PSD3: variants seen among roughly 807,000 people sequenced by gnomAD.
PSD3 encodes the protein PH and SEC7 domain-containing protein 3.
Under a neutral mutation model 105.5 loss-of-function variants are expected in PSD3, and 49 were observed. The ratio of observed to expected loss-of-function variants is 0.46; its 90% CI spans 0.37 to 0.59. The LOEUF (loss-of-function observed/expected upper bound fraction) is 0.59. Ranked by LOEUF, PSD3 falls within the 20% of genes least tolerant of loss-of-function variation. PSD3 has a pLI of 0.00. For synonymous variants in PSD3, 557 were observed against 457.8 expected (o/e 1.22, Z -2.77); for missense variants, 1,561 against 1,263.8 (o/e 1.24, Z -3.57).
At chr8:18,855,585 A>G (rs546021402) in intron 4 of PSD3, among the ~76,000 whole-genome samples, 1 of 152,346 alleles carries the variant, frequency 6.6e-6, no homozygotes, top group South Asian at 2.1e-4. Context: ...TGTCCTCAAA[A>G]AGCAGCCACC....
chr8:18,599,052 C>T (rs549743375), intron 12 of PSD3, among the ~76,000 whole-genome samples: 4 of 151,812 alleles, frequency 2.6e-5, no homozygotes, highest in South Asian at 4.2e-4. Context: ...AAAAAAATTC[C>T]AAAATTTATA....
At chr8:18,749,242 T>C (rs920955438) in intron 9 of PSD3, among the ~76,000 whole-genome samples, 2 of 152,138 alleles carry the variant, frequency 1.3e-5, no homozygotes, top group Non-Finnish European at 2.9e-5. Flanking sequence ...GTTATCATCC[T>C]TCCTGTCTCC....
intron 1 of PSD3, among the ~76,000 whole-genome samples, chr8:19,057,011 C>T (rs1002532519): frequency 4.6e-5 from 7 of 151,998 alleles, no homozygotes; most frequent in South Asian, 2.1e-4. Context: ...ACCTATACGC[C>T]GGTTTGCCTC....
chr8:18,628,696 A>G (rs1430518332), intron 11 of PSD3, among the ~76,000 whole-genome samples: 2 of 151,962 alleles, frequency 1.3e-5, no homozygotes, highest in East Asian at 3.9e-4. Context: ...AGATAAGGGG[A>G]ATTAACTTGC....
At chr8:18,592,472 TC>T (rs756360517) in intron 12 of PSD3, among the ~76,000 whole-genome samples, 1 of 152,084 alleles carries the variant, frequency 6.6e-6, no homozygotes, top group African/African-American at 2.4e-5. Context: ...ACTTCTGAAA[TC>T]TGAGGAAGGA....
chr8:19,028,495 A>G (rs1270695127), intron 1 of PSD3, among the ~76,000 whole-genome samples: 1 of 151,996 alleles, frequency 6.6e-6, no homozygotes, highest in Non-Finnish European at 1.5e-5. Flanking sequence ...CGCTGGGATT[A>G]TGGATGTGAG....
chr8:18,940,949 T>C (rs887900374), intron 1 of PSD3, among the ~76,000 whole-genome samples: 15 of 152,208 alleles, frequency 9.9e-5, no homozygotes, highest in African/African-American at 3.6e-4. Flanking sequence ...TGGGGGGTTA[T>C]TCTTACCAAA....
chr8:18,931,423 CTTAG>C (rs1403277426), intron 2 of PSD3, among the ~76,000 whole-genome samples: 4 of 152,080 alleles, frequency 2.6e-5, no homozygotes, highest in Non-Finnish European at 4.4e-5. Flanking sequence ...CAGCAAGCAC[CTTAG>C]TTATTCATAC....
At chr8:18,963,954 G>A (rs1824085415) in intron 1 of PSD3, among the ~76,000 whole-genome samples, 1 of 152,154 alleles carries the variant, frequency 6.6e-6, no homozygotes, top group Admixed American at 6.5e-5. Flanking sequence ...TTTAGCCCCA[G>A]TAGGCAGGCT....
chr8:18,928,867 A>G (rs1821556687), intron 2 of PSD3, among the ~76,000 whole-genome samples: 1 of 150,566 alleles, frequency 6.6e-6, no homozygotes, highest in Non-Finnish European at 1.5e-5. Context: ...CTCTTGCTCA[A>G]GACAAGGTCT....
At chr8:18,977,853 T>G (rs56271806) in intron 1 of PSD3, among the ~76,000 whole-genome samples, 6 of 152,184 alleles carry the variant, frequency 3.9e-5, no homozygotes, top group Non-Finnish European at 7.3e-5. Context: ...ACATTACTTA[T>G]GCAATAAGAT....
intron 1 of PSD3, among the ~76,000 whole-genome samples, chr8:18,976,251 C>G (rs371712144): frequency 6.6e-6 from 1 of 152,052 alleles, no homozygotes; most frequent in Non-Finnish European, 1.5e-5. Context: ...AATAAAACCA[C>G]GAAGACAGTT....
chr8:18,824,916 TCCATAAGTCCCC>T (rs1813051548), intron 4 of PSD3, among the ~76,000 whole-genome samples: 1 of 152,148 alleles, frequency 6.6e-6, no homozygotes, highest in African/African-American at 2.4e-5. Context: ...TTGCCCTCTT[TCCATAAGTCCCC>T]CCAAAACAGT....
intron 4 of PSD3, among the ~76,000 whole-genome samples, chr8:18,811,861 A>C (rs1343579924): frequency 1.3e-5 from 2 of 152,206 alleles, no homozygotes; most frequent in African/African-American, 4.8e-5. Flanking sequence ...GTTTTTTATG[A>C]CACTCCAAGG....
At chr8:18,811,241 C>A (rs10087962) in intron 4 of PSD3, among the ~76,000 whole-genome samples, 58,529 of 151,970 alleles carry the variant, frequency 0.39, 13,912 homozygotes, top group African/African-American at 0.68. Context: ...AAAACTGAGG[C>A]AAGGAGCTGG....
At chr8:19,050,312 G>T (rs202068897) in intron 1 of PSD3, among the ~76,000 whole-genome samples, 2 of 140,390 alleles carry the variant, frequency 1.4e-5, no homozygotes, top group Admixed American at 1.5e-4. Flanking sequence ...CCATATCCCC[G>T]CCTGTCAAGG....
At chr8:18,931,911 C>G (rs1218251374) in intron 2 of PSD3, among the ~76,000 whole-genome samples, 1 of 150,364 alleles carries the variant, frequency 6.7e-6, no homozygotes, top group Non-Finnish European at 1.5e-5. Context: ...CAGATGATGT[C>G]ACATTTCACA....
intron 1 of PSD3, among the ~76,000 whole-genome samples, chr8:19,027,150 T>C (rs1017581197): frequency 2.0e-5 from 3 of 152,180 alleles, no homozygotes; most frequent in Admixed American, 6.5e-5. Context: ...GAAGGAAATC[T>C]ATCAGCTCTC....
At chr8:18,816,374 A>G (rs1812224881) in intron 4 of PSD3, among the ~76,000 whole-genome samples, 1 of 152,180 alleles carries the variant, frequency 6.6e-6, no homozygotes, top group African/African-American at 2.4e-5. Context: ...CAGGAGGTAA[A>G]GCTGGGATTG....
Sources: gnomAD v4.1 joint callset for allele counts (sites outside exome capture counted in the v4.1 genomes callset) on GRCh38, gnomAD v4.1.1 for gene constraint, MANE v1.5 for transcripts, NCBI Gene and HGNC (gene_info 2026-07-23, HGNC 2026-07-21) for gene names.